The following STON2 variants were observed in gnomAD, a reference collection of about 807,000 sequenced individuals.
STON2 encodes stonin 2.
Under a neutral mutation model 65.7 loss-of-function variants are expected in STON2, and 29 were observed. That is an observed-to-expected ratio of 0.44 (90% CI 0.33 to 0.60). The LOEUF (loss-of-function observed/expected upper bound fraction) is 0.60. Ranked by LOEUF, STON2 falls within the 20% of genes least tolerant of loss-of-function variation. STON2 has a pLI of 0.03. For missense variants in STON2, 1,054 were observed against 1,118.1 expected, an observed-to-expected ratio of 0.94 and a Z score of 0.82; for synonymous variants, 404 against 414.2, an observed-to-expected ratio of 0.98 and a Z score of 0.30.
chr14:81,270,809 G>T lies in STON2; in HGVS notation c.2645C>A (p.Ser882Tyr), dbSNP rs1235598843. Residue 882 changes from serine (S) to tyrosine (Y), a missense_variant, in exon 7 of 8, where the codon TCC (serine) becomes TAC (tyrosine). Ser to Tyr is a moderately radical substitution (Grantham distance 144, BLOSUM62 -2). Transcript: ENST00000614646. The stretch of plus-strand genomic sequence containing the variant: ...GACATTCACGTGATTGGCAAATCTG[G>T]AAGGCACTTCCCGGTCAGAGCCGAG... ...LELGSDREVP[S>Y]RFANHVNVEF... The T allele has an allele frequency of 5.0e-6, 8 of 1,614,092 alleles. No homozygotes were observed. The highest frequency in any genetic ancestry group is 6.8e-6 in the Non-Finnish European group (8 of 1,180,048).
intron 1 of STON2, among the ~76,000 whole-genome samples, chr14:81,432,087 T>C (rs1010570302): frequency 3.3e-5 from 5 of 152,212 alleles, no homozygotes; most frequent in African/African-American, 1.2e-4. Flanking sequence ...ATTTCATGCA[T>C]TTACATGCTC....
intron 4 of STON2, among the ~76,000 whole-genome samples, chr14:81,361,042 T>C (rs1386141707): frequency 6.6e-6 from 1 of 152,028 alleles, no homozygotes; most frequent in Non-Finnish European, 1.5e-5. Context: ...TTAGAATAAT[T>C]CATACTGTTA....
At chr14:81,297,413 C>G (rs1895803471) in intron 5 of STON2, among the ~76,000 whole-genome samples, 1 of 152,178 alleles carries the variant, frequency 6.6e-6, no homozygotes, top group African/African-American at 2.4e-5. Flanking sequence ...AACCCTTAGT[C>G]TTAACCACTC....
At chr14:81,385,098 G>A (rs72703754) in intron 3 of STON2, among the ~76,000 whole-genome samples, 1 of 152,266 alleles carries the variant, frequency 6.6e-6, no homozygotes, top group Non-Finnish European at 1.5e-5. Flanking sequence ...TGTATTCCCA[G>A]CACCTACATT....
intron 6 of STON2, among the ~76,000 whole-genome samples, chr14:81,276,369 T>A (rs1336186251): frequency 6.7e-6 from 1 of 149,810 alleles, no homozygotes; most frequent in Non-Finnish European, 1.5e-5. Context: ...GAAGGCCACT[T>A]TTCTTTCCCA....
At chr14:81,287,512 C>T (rs140996888) in intron 5 of STON2, among the ~76,000 whole-genome samples, 76 of 152,228 alleles carry the variant, frequency 5.0e-4, no homozygotes, top group South Asian at 1.5e-3. Context: ...AGCAGTACTG[C>T]GCACCTTCTT....
At chr14:81,281,798 A>C (rs1895133941) in intron 5 of STON2, among the ~76,000 whole-genome samples, 1 of 152,250 alleles carries the variant, frequency 6.6e-6, no homozygotes, top group South Asian at 2.1e-4. Flanking sequence ...GTTATAATAC[A>C]AATTAAACAA....
chr14:81,283,049 T>C (rs557107119), intron 5 of STON2, among the ~76,000 whole-genome samples: 20 of 152,340 alleles, frequency 1.3e-4, no homozygotes, highest in African/African-American at 4.8e-4. Context: ...ATTGTTTTTA[T>C]TATGAGTCGG....
intron 2 of STON2, 118 bp downstream of exon 2, chr14:81,398,177 A>G: frequency 1.5e-6 from 1 of 664,856 alleles, no homozygotes; most frequent in Non-Finnish European, 2.4e-6. Flanking sequence ...GAAAGTGAGA[A>G]ACTGACCCTT....
chr14:81,304,957 C>G lies in STON2; in HGVS notation c.742+19060G>C, dbSNP rs202239452. Among the ~76,000 whole-genome samples the G allele has an allele frequency of 7.2e-5, 11 of 152,108 alleles. 1 individual carries two copies. The highest frequency in any genetic ancestry group is 1.3e-4 in the Admixed American group (2 of 15,272). Reference sequence around the variant, plus strand: ...ATCCCCAGAAGACCCCTTTGTACCCCCTTCCTATCACTAACTACCTCTTCC... The same window carrying G: ...ATCCCCAGAAGACCCCTTTGTACCCGCTTCCTATCACTAACTACCTCTTCC... On this transcript the variant is annotated intron_variant, in intron 5 of 7. Coordinates refer to ENST00000614646, the MANE Select transcript of STON2 (RefSeq NM_001394390.1).
chr14:81,337,273 T>C (rs552444501), intron 4 of STON2, among the ~76,000 whole-genome samples: 5 of 152,310 alleles, frequency 3.3e-5, no homozygotes, highest in Admixed American at 3.3e-4. Flanking sequence ...ATATTGCTTT[T>C]ACCCTCCAGG....
intron 2 of STON2, among the ~76,000 whole-genome samples, chr14:81,411,774 C>A (rs1445034308): frequency 6.6e-6 from 1 of 152,124 alleles, no homozygotes; most frequent in Non-Finnish European, 1.5e-5. Flanking sequence ...GATATAGACC[C>A]TGCCTTCAAG....
chr14:81,340,015 G>A (rs555496715), intron 4 of STON2, among the ~76,000 whole-genome samples: 29 of 152,250 alleles, frequency 1.9e-4, no homozygotes, highest in Admixed American at 5.9e-4. Flanking sequence ...TTAGCCGGGC[G>A]TGGTGGCGGG....
intron 3 of STON2, among the ~76,000 whole-genome samples, chr14:81,382,954 G>A (rs77367614): frequency 2.0e-5 from 3 of 152,140 alleles, no homozygotes; most frequent in Admixed American, 2.0e-4. Flanking sequence ...TCTCCGATAA[G>A]TTATTTTATT....
At chr14:81,427,850 CCT>C (rs1376310036) in intron 1 of STON2, among the ~76,000 whole-genome samples, 2 of 152,242 alleles carry the variant, frequency 1.3e-5, no homozygotes, top group Admixed American at 6.5e-5. Flanking sequence ...ACAGATAGCC[CCT>C]GTTAACTCTT....
intron 3 of STON2, among the ~76,000 whole-genome samples, chr14:81,393,441 A>C (rs1294343582): frequency 2.0e-5 from 3 of 152,188 alleles, no homozygotes; most frequent in Non-Finnish European, 4.4e-5. Flanking sequence ...AGAGTGAGGC[A>C]AACGGAAGGA....
At chr14:81,383,925 G>C (rs1278507923) in intron 3 of STON2, among the ~76,000 whole-genome samples, 1 of 152,198 alleles carries the variant, frequency 6.6e-6, no homozygotes, top group Non-Finnish European at 1.5e-5. Flanking sequence ...CTGTGTGTCT[G>C]AGTCTCTGTA....
intron 6 of STON2, among the ~76,000 whole-genome samples, chr14:81,273,346 G>C (rs1381866503): frequency 6.6e-6 from 1 of 152,212 alleles, no homozygotes; most frequent in Non-Finnish European, 1.5e-5. Flanking sequence ...ATGAGGTTGA[G>C]AAAATTCAAC....
intron 2 of STON2, among the ~76,000 whole-genome samples, chr14:81,408,136 A>AAC (rs149914558): frequency 0.026 from 3,937 of 149,072 alleles, 168 homozygotes; most frequent in African/African-American, 0.087. Context: ...TTCACTGAAG[A>AAC]ACACACACAC....
Sources: allele counts gnomAD v4.1 joint callset (sites outside exome capture counted in the v4.1 genomes callset), GRCh38; gene constraint gnomAD v4.1.1; transcripts MANE v1.5; gene names NCBI Gene and HGNC (gene_info 2026-07-23, HGNC 2026-07-21).